The following NCKAP5 variants were observed in gnomAD, a reference collection of about 807,000 sequenced individuals.
NCKAP5 encodes the protein nck-associated protein 5.
Under a neutral mutation model 167.0 loss-of-function variants are expected in NCKAP5, and 92 were observed. The ratio of observed to expected loss-of-function variants is 0.55; its 90% CI spans 0.47 to 0.66. The LOEUF (loss-of-function observed/expected upper bound fraction) is 0.66, where lower values mean the gene tolerates loss of function less well. Ranked by LOEUF, NCKAP5 falls within the 30% of genes least tolerant of loss-of-function variation. The pLI, the probability that NCKAP5 is intolerant of heterozygous loss-of-function variation, is 0.00. For synonymous variants in NCKAP5, 891 were observed against 877.4 expected (o/e 1.02, Z -0.27); for missense variants, 2,378 against 2,315.0 (o/e 1.03, Z -0.56).
chr2:133,467,117 G>A (rs1047833478), intron 3 of NCKAP5, among the ~76,000 whole-genome samples: 4 of 151,890 alleles, frequency 2.6e-5, no homozygotes, highest in Admixed American at 6.6e-5. Context: ...TCCAGTTTTT[G>A]CCCATTCAGT....
At chr2:132,697,504 T>C (rs1687454353) in intron 19 of NCKAP5, among the ~76,000 whole-genome samples, 1 of 152,174 alleles carries the variant, frequency 6.6e-6, no homozygotes. Flanking sequence ...GAAAGTAACT[T>C]GGGGAACATT....
chr2:132,772,486 C>T (rs1488091148), intron 16 of NCKAP5, among the ~76,000 whole-genome samples: 2 of 152,134 alleles, frequency 1.3e-5, no homozygotes, highest in African/African-American at 2.4e-5. Flanking sequence ...CAGCTTGTAA[C>T]TTTATATATA....
chr2:133,494,463 T>A (rs1681752514), intron 3 of NCKAP5, among the ~76,000 whole-genome samples: 1 of 152,158 alleles, frequency 6.6e-6, no homozygotes, highest in South Asian at 2.1e-4. Context: ...ATGTCTCAAG[T>A]CCTGCATCCC....
At chr2:133,537,876 A>G (rs1685881755) in intron 2 of NCKAP5, among the ~76,000 whole-genome samples, 1 of 152,176 alleles carries the variant, frequency 6.6e-6, no homozygotes, top group Non-Finnish European at 1.5e-5. Flanking sequence ...AGCACTCATT[A>G]AACACTTCCT....
intron 2 of NCKAP5, among the ~76,000 whole-genome samples, chr2:133,548,588 AC>A: frequency 6.6e-6 from 1 of 152,052 alleles, no homozygotes; most frequent in Non-Finnish European, 1.5e-5. Flanking sequence ...ATTCTTAAAG[AC>A]AAGAATTTTC....
At chr2:133,206,246 C>T (rs899586791) in intron 5 of NCKAP5, among the ~76,000 whole-genome samples, 2 of 152,116 alleles carry the variant, frequency 1.3e-5, no homozygotes, top group Admixed American at 1.3e-4. Context: ...ACTAATATTA[C>T]ATTTTATCAA....
intron 5 of NCKAP5, among the ~76,000 whole-genome samples, chr2:133,138,847 G>A (rs1475911467): frequency 6.6e-6 from 1 of 152,038 alleles, no homozygotes; most frequent in Non-Finnish European, 1.5e-5. Context: ...TGCTCACTAC[G>A]GGTCAGCTAG....
At chr2:133,489,342 ACT>A (rs1291466783) in intron 3 of NCKAP5, among the ~76,000 whole-genome samples, 1 of 152,108 alleles carries the variant, frequency 6.6e-6, no homozygotes, top group Non-Finnish European at 1.5e-5. Flanking sequence ...GTGAGAGGAG[ACT>A]CTGAGGGACT....
At chr2:132,697,498 G>A (rs1405385085) in intron 19 of NCKAP5, among the ~76,000 whole-genome samples, 2 of 152,158 alleles carry the variant, frequency 1.3e-5, no homozygotes, top group Non-Finnish European at 2.9e-5. Context: ...AGAAATGAAA[G>A]TAACTTGGGG....
intron 6 of NCKAP5, among the ~76,000 whole-genome samples, chr2:133,002,321 T>A (rs945542411): frequency 3.3e-5 from 5 of 152,188 alleles, no homozygotes; most frequent in African/African-American, 1.2e-4. Flanking sequence ...ATGATAAAGT[T>A]TAATGTACAA....
At position 133,193,290 on chromosome 2, in the gene NCKAP5, C is replaced by T. The variant is rs371619707; in HGVS notation, c.207+20426G>A. 3.0e-3 allele frequency among the ~76,000 whole-genome samples: 456 copies of T among 152,018 alleles called. 5 individuals are homozygous for T. The highest frequency in any genetic ancestry group is 0.01 in the African/African-American group (417 of 41,494). On this transcript the variant is annotated intron_variant, in intron 5 of 19. Coordinates refer to ENST00000409261, the MANE Select transcript of NCKAP5 (RefSeq NM_207363.3). ...AATGGTTGTGGCTATGAAAGCACAA[C>T]GTAAGGGATCCATGTGGTGGTAGAA...
At chr2:133,004,869 C>T (rs1460053948) in intron 6 of NCKAP5, among the ~76,000 whole-genome samples, 1 of 152,146 alleles carries the variant, frequency 6.6e-6, no homozygotes, top group Non-Finnish European at 1.5e-5. Context: ...AGAGACCTCC[C>T]CCTGGGAATG....
At chr2:133,246,639 T>G (rs986859424) in intron 4 of NCKAP5, among the ~76,000 whole-genome samples, 1 of 152,232 alleles carries the variant, frequency 6.6e-6, no homozygotes, top group Non-Finnish European at 1.5e-5. Flanking sequence ...TTTTTGTTTT[T>G]GTGATTTACA....
intron 6 of NCKAP5, among the ~76,000 whole-genome samples, chr2:133,046,379 T>C (rs2079399205): frequency 6.6e-6 from 1 of 152,094 alleles, no homozygotes; most frequent in African/African-American, 2.4e-5. Flanking sequence ...TTTATTGTTA[T>C]TTATTATTTA....
intron 6 of NCKAP5, among the ~76,000 whole-genome samples, chr2:133,070,304 G>T (rs1049759722): frequency 1.3e-5 from 2 of 152,106 alleles, no homozygotes; most frequent in Non-Finnish European, 2.9e-5. Flanking sequence ...AAAATGGGAT[G>T]ATATGGCTAA....
At chr2:133,187,934 CA>C (rs1253910267) in intron 5 of NCKAP5, among the ~76,000 whole-genome samples, 1 of 151,992 alleles carries the variant, frequency 6.6e-6, no homozygotes, top group Non-Finnish European at 1.5e-5. Context: ...TCCAATTTGC[CA>C]GTCTGTGTCT....
chr2:133,452,405 A>G (rs753371203), intron 3 of NCKAP5, among the ~76,000 whole-genome samples: 33 of 152,210 alleles, frequency 2.2e-4, no homozygotes, highest in Non-Finnish European at 2.6e-4. Context: ...TATGTGCCCA[A>G]GAAGGAAATC....
the NCKAP5 span, among the ~76,000 whole-genome samples, chr2:133,616,571 C>T: frequency 2.0e-5 from 3 of 152,044 alleles, no homozygotes; most frequent in South Asian, 2.1e-4. Context: ...ATAAATTCCT[C>T]GACACACACA....
At chr2:133,088,120 T>C (rs983725413) in intron 6 of NCKAP5, among the ~76,000 whole-genome samples, 1 of 152,186 alleles carries the variant, frequency 6.6e-6, no homozygotes, top group Admixed American at 6.5e-5. Context: ...CACTTACTTA[T>C]TTTTCATCTC....
Sources: allele counts gnomAD v4.1 joint callset (sites outside exome capture counted in the v4.1 genomes callset), GRCh38; gene constraint gnomAD v4.1.1; transcripts MANE v1.5; gene names NCBI Gene and HGNC (gene_info 2026-07-23, HGNC 2026-07-21).